Variants in DLGAP2 observed in about 807,000 individuals in gnomAD.
DLGAP2 encodes the protein DLG associated protein 2, also known as disks large-associated protein 2.
DLGAP2 carries 26 observed loss-of-function variants against 100.3 expected under a neutral mutation model. The ratio of observed to expected loss-of-function variants is 0.26; its 90% CI spans 0.19 to 0.36. The LOEUF is 0.36. Among genes scored for constraint, DLGAP2 ranks in the 10% least tolerant of loss-of-function variants. The pLI, the probability that DLGAP2 is intolerant of heterozygous loss-of-function variation, is 1.00. For missense variants in DLGAP2, 1,858 were observed against 1,453.2 expected (o/e 1.28, Z -4.53); for synonymous variants, 886 against 630.1 (o/e 1.41, Z -6.08).
intron 1 of DLGAP2, among the ~76,000 whole-genome samples, chr8:807,175 T>A (rs1349594999): frequency 1.3e-5 from 2 of 152,262 alleles, no homozygotes; most frequent in East Asian, 3.9e-4. Flanking sequence ...CTTCTCATCC[T>A]AAACTCCGAG....
At chr8:811,663 TGC>T in intron 1 of DLGAP2, among the ~76,000 whole-genome samples, 1 of 137,920 alleles carries the variant, frequency 7.3e-6, no homozygotes. Context: ...TGGGGGGCCC[TGC>T]CAGGGCTCCT....
At position 1,595,659 on chromosome 8, in the gene DLGAP2, G is replaced by A. The variant is rs933294972; in HGVS notation, c.1442+29765G>A. 1.6e-4 allele frequency among the ~76,000 whole-genome samples: 22 copies of A among 133,626 alleles called. No individual in the cohort carries two copies. In the Admixed American group the frequency reaches 1.7e-3, roughly 10 times the overall value. The allele number at this position is 133,626 out of a possible 152,430, so 87.7% of individuals were successfully genotyped here. A position where few individuals can be genotyped will look rare whatever the true frequency, so the allele number is the denominator to read the frequency against. The stretch of plus-strand genomic sequence containing the variant: ...TCCGCAGTCCCGCCTGGGCGACAGA[G>A]CGAGACTCCGTCTCAAAAAAAAAAA... On this transcript the variant is annotated intron_variant, in intron 6 of 14. Coordinates refer to ENST00000637795, the MANE Select transcript of DLGAP2 (RefSeq NM_001346810.2).
intron 3 of DLGAP2, among the ~76,000 whole-genome samples, chr8:1,351,235 G>A (rs1385856924): frequency 1.1e-4 from 9 of 82,230 alleles, no homozygotes; most frequent in African/African-American, 4.6e-4. Flanking sequence ...TGGAAAGGCC[G>A]TGCGGGTCCT....
intron 2 of DLGAP2, among the ~76,000 whole-genome samples, chr8:1,220,479 G>A (rs1016733212): frequency 2.0e-5 from 3 of 152,126 alleles, no homozygotes; most frequent in Non-Finnish European, 2.9e-5. Context: ...TGCTTGGTAT[G>A]ATTTGGGTTT....
intron 2 of DLGAP2, among the ~76,000 whole-genome samples, chr8:1,246,198 G>A (rs1563035998): frequency 6.6e-6 from 1 of 152,122 alleles, no homozygotes; most frequent in Admixed American, 6.5e-5. Context: ...CAAGATGTGG[G>A]TAATTGGCCC....
At chr8:1,351,020 C>A (rs751655120) in intron 3 of DLGAP2, among the ~76,000 whole-genome samples, 202 of 4,838 alleles carry the variant, frequency 0.042, 4 homozygotes, top group East Asian at 0.09. Flanking sequence ...GTGTGTGGAA[C>A]GGCCGTGCGG....
chr8:1,485,988 C>T (rs1433984736), intron 3 of DLGAP2, among the ~76,000 whole-genome samples: 1 of 152,198 alleles, frequency 6.6e-6, no homozygotes, highest in Non-Finnish European at 1.5e-5. Context: ...GATCGCGCCA[C>T]TGCACTCCAG....
At chr8:1,216,499 AT>A (rs368746179) in intron 2 of DLGAP2, among the ~76,000 whole-genome samples, 1 of 147,852 alleles carries the variant, frequency 6.8e-6, no homozygotes, top group Non-Finnish European at 1.5e-5. Context: ...TGCCTGGCTA[AT>A]TTTTTTTTTC....
At chr8:767,033 G>A (rs55667731) in intron 1 of DLGAP2, among the ~76,000 whole-genome samples, 1 of 152,146 alleles carries the variant, frequency 6.6e-6, no homozygotes. Context: ...CTGAGATTCT[G>A]GATGACGAAG....
At chr8:1,630,488 G>T (rs1417157050) in intron 7 of DLGAP2, among the ~76,000 whole-genome samples, 1 of 152,098 alleles carries the variant, frequency 6.6e-6, no homozygotes, top group Non-Finnish European at 1.5e-5. Context: ...GGATCACGAG[G>T]TCAGGAGATC....
At chr8:1,693,183 T>C (rs958770919) in intron 13 of DLGAP2, among the ~76,000 whole-genome samples, 22 of 148,096 alleles carry the variant, frequency 1.5e-4, no homozygotes, top group African/African-American at 4.9e-4. Flanking sequence ...TATATACAAA[T>C]ATATAGTATA....
chr8:907,479 C>T (rs548125202), intron 1 of DLGAP2, among the ~76,000 whole-genome samples: 2 of 152,258 alleles, frequency 1.3e-5, no homozygotes, highest in South Asian at 2.1e-4. Flanking sequence ...TGTGATTCAC[C>T]CTTGATGGAA....
chr8:764,509 A>T (rs1047841169), intron 1 of DLGAP2, among the ~76,000 whole-genome samples: 3 of 152,228 alleles, frequency 2.0e-5, no homozygotes, highest in African/African-American at 7.2e-5. Context: ...GATAACAAGT[A>T]GGAAATACCT....
intron 3 of DLGAP2, among the ~76,000 whole-genome samples, chr8:1,468,797 C>T (rs938666309): frequency 3.9e-5 from 6 of 152,164 alleles, no homozygotes; most frequent in Non-Finnish European, 7.4e-5. Context: ...GCTCTGAAAA[C>T]CCTCCTCTTC....
intron 8 of DLGAP2, among the ~76,000 whole-genome samples, chr8:1,656,231 AC>A (rs1327473198): frequency 2.0e-5 from 3 of 151,084 alleles, no homozygotes; most frequent in African/African-American, 7.3e-5. Flanking sequence ...AATTGCTTGA[AC>A]CCGGGAGGCG....
chr8:1,672,252 A>G (rs1265263267), intron 10 of DLGAP2, among the ~76,000 whole-genome samples: 4 of 136,254 alleles, frequency 2.9e-5, no homozygotes, highest in Non-Finnish European at 6.1e-5. Flanking sequence ...TTTGAGATGG[A>G]GTCTCACTCT....
chr8:1,059,257 G>A (rs1027499794), intron 2 of DLGAP2, among the ~76,000 whole-genome samples: 3 of 151,926 alleles, frequency 2.0e-5, no homozygotes, highest in Non-Finnish European at 4.4e-5. Context: ...CTCACCCCTC[G>A]GGGTCCCAGC....
intron 1 of DLGAP2, among the ~76,000 whole-genome samples, chr8:750,564 A>G (rs915930901): frequency 1.3e-5 from 2 of 152,148 alleles, no homozygotes; most frequent in Non-Finnish European, 2.9e-5. Context: ...AAAATTGCCA[A>G]TGAATGGTAA....
At chr8:914,248 C>T (rs1158346015) in intron 2 of DLGAP2, among the ~76,000 whole-genome samples, 4 of 152,188 alleles carry the variant, frequency 2.6e-5, no homozygotes, top group Non-Finnish European at 2.9e-5. Flanking sequence ...GCAGATGCCC[C>T]GGAGCCTCCC....
Sources: gnomAD v4.1 joint callset for allele counts (sites outside exome capture counted in the v4.1 genomes callset) on GRCh38, gnomAD v4.1.1 for gene constraint, MANE v1.5 for transcripts, NCBI Gene and HGNC (gene_info 2026-07-23, HGNC 2026-07-21) for gene names.